The following SIGIRR variants were observed in gnomAD, a reference collection of about 807,000 sequenced individuals.
SIGIRR encodes single Ig and TIR domain containing.
SIGIRR carries 41 observed loss-of-function variants against 45.6 expected under a neutral mutation model. The ratio of observed to expected loss-of-function variants is 0.90; its 90% CI spans 0.70 to 1.17. SIGIRR has a LOEUF of 1.17. SIGIRR is among the 50% of genes most tolerant of loss of function. The pLI, the probability that SIGIRR is intolerant of heterozygous loss-of-function variation, is 0.00. For missense variants in SIGIRR, 599 were observed against 539.6 expected (o/e 1.11, Z -1.09); for synonymous variants, 298 against 239.0 (o/e 1.25, Z -2.28).
At chr11:406,644 C>T in intron 8 of SIGIRR, 106 bp from the exon 9 acceptor site, 3 of 1,443,668 alleles carry the variant, frequency 2.1e-6, no homozygotes, top group Non-Finnish European at 2.7e-6. Flanking sequence ...CCACGCCCTG[C>T]GACAGCTATT....
At chr11:409,081 G>T (rs538758733) in intron 2 of SIGIRR, 188 bp from the exon 3 acceptor site, 3 of 628,782 alleles carry the variant, frequency 4.8e-6, no homozygotes, top group Admixed American at 5.0e-5. Context: ...GCCAGGCTTT[G>T]GGTGTTCCGC....
rs1293358342 is a variant in SIGIRR, at chr11:405,866, T to A, written c.*30A>T. 1.9e-6 allele frequency: 3 copies of A among 1,560,608 alleles called. No homozygotes were observed. The African/African-American group carries it at 4.1e-5, about 21-fold the overall frequency. On this transcript the variant is annotated 3_prime_UTR_variant, in exon 10 of 10. Coordinates refer to ENST00000431843, the MANE Select transcript of SIGIRR (RefSeq NM_001135054.2). ...GACGCCGCTGCCCTGGCCCCCGCTG[T>A]CCCTATGATCCTGCACTCTGGGGTG...
upstream of SIGIRR, among the ~76,000 whole-genome samples, chr11:415,481 G>A (rs909731880): frequency 6.6e-6 from 1 of 152,130 alleles, no homozygotes; most frequent in Non-Finnish European, 1.5e-5. The surrounding 1 kb of genome is among the most constrained non-coding windows in gnomAD (Gnocchi z 6.6). Flanking sequence ...ACACTCAGGA[G>A]CCAAGGGGCC....
At position 407,455 on chromosome 11, in the gene SIGIRR, G is replaced by C. The variant is rs1173425853; in HGVS notation, c.595C>G (p.Leu199Val). ...CGCGGCAGGAGGTCGCGGTCGTCCA[G>C]GAAGAGCTTGTAGCCCCGACGCCGC... ...LERRRGYKLF[L>V]DDRDLLPRAE... The change falls in exon 6 of 10, where the codon CTG becomes GTG. Residue 199 changes from leucine (L) to valine (V), a missense_variant. Physicochemically the swap from Leu to Val is conservative, Grantham distance 32. Transcript: ENST00000431843. The C allele has an allele frequency of 6.4e-7, 1 of 1,560,710 alleles. No individual in the cohort carries two copies. The highest frequency in any genetic ancestry group is 2.4e-5 in the East Asian group (1 of 41,296).
intron 1 of SIGIRR, among the ~76,000 whole-genome samples, chr11:410,540 TGG>T (rs1847543132): frequency 1.4e-5 from 1 of 72,152 alleles, no homozygotes. Flanking sequence ...GCAGTTGGGG[TGG>T]GGGTGCCCAG....
rs542579013 is a variant in SIGIRR at position 407,517 on chromosome 11, C to T, written c.533G>A (p.Arg178His). 7.5e-6 allele frequency: 12 copies of T among 1,607,080 alleles called. No individual in the cohort carries two copies. In the East Asian group the frequency reaches 2.5e-4, roughly 33 times the overall value. ...CTTTAGGATGAAGTTCACGAACTTG[C>T]GGTCCTCGGGGCAGTCGCTGTAGGA... ...YVSYSDCPED[R>H]KFVNFILKPQ... The change falls in exon 6 of 10, where the codon CGC (arginine) becomes CAC (histidine). Residue 178 changes from arginine (R) to histidine (H), a missense_variant. Transcript: ENST00000431843.
chr11:407,964 A>G lies in SIGIRR; in HGVS notation c.341-7T>C, dbSNP rs1283393197. On this transcript the variant is annotated splice_region_variant and splice_polypyrimidine_tract_variant and intron_variant, in intron 4 of 9. Transcript: ENST00000431843. ...GCCACGTGGCTTGTAGGGCCTGCGG[A>G]TGGGTTGCCTGAGCCGCTGCCCCTC... is the stretch of plus-strand genomic sequence containing the variant. The G allele has an allele frequency of 5.0e-6, 8 of 1,604,170 alleles. No homozygotes were observed.
chr11:407,319 G>A (rs1333977158), intron 6 of SIGIRR, 106 bp downstream of exon 6: 324 of 905,654 alleles, frequency 3.6e-4, no homozygotes, highest in Non-Finnish European at 4.7e-4. Flanking sequence ...GGCGGGGATG[G>A]GGGCGGAGCT....
In SIGIRR at chr11:414,937, G is replaced by T; in HGVS notation, c.-268C>A. 1.1e-6 allele frequency: 1 copy of T among 949,200 alleles called. No individual in the cohort carries two copies. Among genetic ancestry groups the T allele is most frequent in the Non-Finnish European group, 1.3e-6 (1 of 797,006 alleles). 58.8% of individuals were successfully genotyped at this position (949,200 alleles called of 1,614,324 possible). ...TGTCCACAGCACCAAGGCTGCTATG[G>T]ATGCATCGCCAAGCGCGGTGGGGAC... On this transcript the variant is annotated 5_prime_UTR_variant, in exon 1 of 10. Coordinates refer to ENST00000431843, the MANE Select transcript of SIGIRR (RefSeq NM_001135054.2).
At position 407,472 on chromosome 11, in the gene SIGIRR, C is replaced by T. The variant is rs762785896; in HGVS notation, c.578G>A (p.Arg193Gln). 3.8e-6 allele frequency: 6 copies of T among 1,573,646 alleles called. No homozygotes were observed. The highest frequency in any genetic ancestry group is 2.4e-5 in the East Asian group (1 of 42,042). The stretch of plus-strand genomic sequence containing the variant: ...GTCGTCCAGGAAGAGCTTGTAGCCC[C>T]GACGCCGCTCCAGCTGCGGCTTTAG... ...FILKPQLERRRGYKLFLDDRD... is the reference protein window; with the variant it reads ...FILKPQLERRQGYKLFLDDRD... Residue 193 changes from arginine to glutamine, a missense_variant, in exon 6 of 10, where the codon CGG (arginine) becomes CAG (glutamine). Coordinates refer to ENST00000431843, the MANE Select transcript of SIGIRR (RefSeq NM_001135054.2).
At chr11:413,864 C>T (rs1416831952) in intron 1 of SIGIRR, among the ~76,000 whole-genome samples, 4 of 132,040 alleles carry the variant, frequency 3.0e-5, no homozygotes, top group Admixed American at 2.2e-4. Context: ...TCTCCTCTGC[C>T]TGCCTCCCCC....
chr11:408,938 GCCCCACCACCTC>G, intron 2 of SIGIRR, 45 bp from the exon 3 acceptor site: 3 of 1,579,240 alleles, frequency 1.9e-6, no homozygotes, highest in Non-Finnish European at 2.6e-6. Flanking sequence ...AGGGTGCCTG[GCCCCACCACCTC>G]CACAGTGGTC....
At chr11:407,712 G>A in intron 5 of SIGIRR, 105 bp downstream of exon 5, 3 of 1,569,456 alleles carry the variant, frequency 1.9e-6, no homozygotes, top group East Asian at 2.3e-5. Flanking sequence ...CAGAGCACCC[G>A]GGGGCTAACC....
chr11:407,338 G>C lies in SIGIRR; in HGVS notation c.625+87C>G, dbSNP rs1488907154. ...GGGATGGGGGCGGAGCTCGATGGTG[G>C]GGGTGGGGCCCCGGGTGGGACGGAG... On this transcript the variant is annotated intron_variant, in intron 6 of 9. Coordinates refer to ENST00000431843, the MANE Select transcript of SIGIRR (RefSeq NM_001135054.2). 790 of 1,180,604 alleles carry C rather than the reference G, an allele frequency of 6.7e-4. 1 individual carries two copies. The highest frequency in any genetic ancestry group is 1.8e-3 in the Middle Eastern group (6 of 3,350). 73.1% of individuals were successfully genotyped at this position (1,180,604 alleles called of 1,614,324 possible).
intron 1 of SIGIRR, among the ~76,000 whole-genome samples, chr11:413,914 T>C (rs911629027): frequency 1.8e-3 from 73 of 41,080 alleles, no homozygotes; most frequent in East Asian, 4.7e-3. Flanking sequence ...GCACCCTCTC[T>C]TCTGCCTGCC....
chr11:409,489 TGTTCATCTTTACATCAG>T (rs1166801681), intron 2 of SIGIRR: 3 of 304,650 alleles, frequency 9.8e-6, no homozygotes, highest in Non-Finnish European at 1.8e-5. Flanking sequence ...GGCCTGAACT[TGTTCATCTTTACATCAG>T]GGTGATGAGC....
upstream of SIGIRR, among the ~76,000 whole-genome samples, chr11:416,674 C>G (rs1847891975): frequency 6.6e-6 from 1 of 152,078 alleles, no homozygotes; most frequent in Non-Finnish European, 1.5e-5. This position sits in a 1 kb window ranked among gnomAD's most constrained non-coding sequence, Gnocchi z 9.1. Flanking sequence ...GCTCCCCGTG[C>G]GCGCTGGGCC....
rs755459206 is a variant in SIGIRR, at chr11:407,433, G to C, written c.617C>G (p.Pro206Arg). The C allele has an allele frequency of 8.4e-6, 13 of 1,547,464 alleles. No individual in the cohort carries two copies. Among genetic ancestry groups the C allele is most frequent in the Middle Eastern group, 1.9e-4 (1 of 5,384 alleles). ...GGTGGGGCCCGGGATACCAGCGCGC[G>C]GCAGGAGGTCGCGGTCGTCCAGGAA... Reference protein sequence around the residue: ...KLFLDDRDLLPRAEPSADLLV... With the variant: ...KLFLDDRDLLRRAEPSADLLV... The change falls in exon 6 of 10, where the codon CCG (proline) becomes CGG (arginine). Residue 206 changes from proline to arginine, a missense_variant. Transcript: ENST00000431843.
intron 2 of SIGIRR, chr11:409,252 C>A: frequency 2.3e-6 from 1 of 443,794 alleles, no homozygotes. Context: ...TGATGCCTGT[C>A]TCATAGGAGG....
Sources: allele counts gnomAD v4.1 joint callset (sites outside exome capture counted in the v4.1 genomes callset), GRCh38; gene constraint gnomAD v4.1.1; non-coding constraint Gnocchi (gnomAD v3.1); transcripts MANE v1.5; gene names NCBI Gene and HGNC (gene_info 2026-07-23, HGNC 2026-07-21).